The following SHC3 variants were observed in gnomAD, a reference collection of about 807,000 sequenced individuals.
SHC3 encodes the protein SHC adaptor protein 3, also known as SHC-transforming protein 3.
Under a neutral mutation model 60.4 loss-of-function variants are expected in SHC3, and 15 were observed. The ratio of observed to expected loss-of-function variants is 0.25; its 90% CI spans 0.17 to 0.38. The LOEUF (loss-of-function observed/expected upper bound fraction) is 0.38, where lower values mean the gene tolerates loss of function less well. Among genes scored for constraint, SHC3 ranks in the 10% least tolerant of loss-of-function variants. The pLI is 1.00. For missense variants in SHC3, 677 were observed against 786.1 expected, an observed-to-expected ratio of 0.86 and a Z score of 1.66; for synonymous variants, 294 against 325.9, an observed-to-expected ratio of 0.90 and a Z score of 1.05.
At chr9:89,135,549 T>C (rs1363403056) in intron 1 of SHC3, among the ~76,000 whole-genome samples, 1 of 152,170 alleles carries the variant, frequency 6.6e-6, no homozygotes, top group Admixed American at 6.6e-5. Flanking sequence ...AAGGCTTATT[T>C]TTGCAAACAA....
chr9:89,045,655 C>A, intron 9 of SHC3, 91 bp downstream of exon 9: 1 of 1,089,496 alleles, frequency 9.2e-7, no homozygotes, highest in South Asian at 1.4e-5. Context: ...GTCACTCTGT[C>A]AGTCCACAGA....
At chr9:89,063,209 A>C (rs1825120800) in intron 6 of SHC3, among the ~76,000 whole-genome samples, 2 of 152,042 alleles carry the variant, frequency 1.3e-5, no homozygotes, top group African/African-American at 4.8e-5. Context: ...GGCTCACTGC[A>C]ACCTCTGTGT....
chr9:89,014,606 T>C (rs1826065067), intron 11 of SHC3, among the ~76,000 whole-genome samples: 1 of 152,160 alleles, frequency 6.6e-6, no homozygotes, highest in Non-Finnish European at 1.5e-5. Flanking sequence ...GAGCCCATCC[T>C]TTCATGGGAC....
At chr9:89,026,811 G>A (rs1826314900) in intron 11 of SHC3, among the ~76,000 whole-genome samples, 1 of 152,194 alleles carries the variant, frequency 6.6e-6, no homozygotes. Context: ...TTGAATCCCT[G>A]CACACCTGGG....
intron 11 of SHC3, among the ~76,000 whole-genome samples, chr9:89,031,389 T>G (rs899571523): frequency 6.6e-6 from 1 of 152,216 alleles, no homozygotes; most frequent in Non-Finnish European, 1.5e-5. Flanking sequence ...ATCACCTCCC[T>G]GTCCTCCCAT....
intron 2 of SHC3, among the ~76,000 whole-genome samples, chr9:89,080,023 A>G (rs1037846854): frequency 6.6e-6 from 1 of 152,244 alleles, no homozygotes; most frequent in Non-Finnish European, 1.5e-5. Flanking sequence ...GAAATGCAGC[A>G]TAACTATTAA....
chr9:89,030,124 CTAGAGA>C, intron 11 of SHC3, among the ~76,000 whole-genome samples: 1 of 152,048 alleles, frequency 6.6e-6, no homozygotes, highest in South Asian at 2.1e-4. Context: ...AAAAATGTTA[CTAGAGA>C]TAAAGGGGGA....
rs960538816 is a variant in SHC3, at chr9:89,073,226, C to T, written c.729+1883G>A. ...TGGAGTTTGGAAATTAAATTGGAAG[C>T]TGTGATTTGGAAAAAAAATGAAAGT... On this transcript the variant is annotated intron_variant, in intron 4 of 11. Transcript: ENST00000375835. 1.2e-4 allele frequency among the ~76,000 whole-genome samples: 18 copies of T among 152,082 alleles called. 1 individual carries two copies. The highest frequency in any genetic ancestry group is 4.4e-5 in the Non-Finnish European group (3 of 68,028).
intron 6 of SHC3, among the ~76,000 whole-genome samples, chr9:89,053,783 A>G (rs974805345): frequency 3.3e-5 from 5 of 152,246 alleles, no homozygotes; most frequent in African/African-American, 1.2e-4. Flanking sequence ...GTCACAAAGC[A>G]ATGCCAAGCA....
intron 1 of SHC3, among the ~76,000 whole-genome samples, chr9:89,156,088 C>T (rs183399499): frequency 2.6e-5 from 4 of 152,306 alleles, no homozygotes; most frequent in African/African-American, 9.6e-5. Flanking sequence ...CAATAAAATA[C>T]TGTGAAGGTG....
chr9:89,022,538 A>G (rs1266472216), intron 11 of SHC3, among the ~76,000 whole-genome samples: 1 of 152,184 alleles, frequency 6.6e-6, no homozygotes, highest in African/African-American at 2.4e-5. Context: ...GAGCATGCGC[A>G]CTTTAATTTT....
At chr9:89,072,693 T>C (rs7872974) in intron 4 of SHC3, among the ~76,000 whole-genome samples, 12,484 of 152,164 alleles carry the variant, frequency 0.082, 1,668 homozygotes, top group African/African-American at 0.28. Context: ...GACAATGTAA[T>C]GACATTGAAG....
intron 11 of SHC3, among the ~76,000 whole-genome samples, chr9:89,019,752 A>T (rs560995861): frequency 2.6e-5 from 4 of 152,362 alleles, no homozygotes; most frequent in Admixed American, 2.6e-4. Flanking sequence ...GAAATCAAAG[A>T]AGAACTAAAT....
At chr9:89,169,728 TG>T (rs1377087334) in intron 1 of SHC3, among the ~76,000 whole-genome samples, 1 of 152,310 alleles carries the variant, frequency 6.6e-6, no homozygotes, top group East Asian at 1.9e-4. Flanking sequence ...GGCACTGAGC[TG>T]ATGGCTGTTG....
At chr9:89,071,387 T>A (rs1454503842) in intron 4 of SHC3, 135 bp from the exon 5 acceptor site, 1 of 815,522 alleles carries the variant, frequency 1.2e-6, no homozygotes, top group African/African-American at 1.7e-5. Context: ...AAATAATGAT[T>A]ATAAAAGTAA....
intron 11 of SHC3, among the ~76,000 whole-genome samples, chr9:89,030,084 G>A (rs1824458591): frequency 6.6e-6 from 1 of 151,918 alleles, no homozygotes; most frequent in Non-Finnish European, 1.5e-5. Flanking sequence ...ACTAATACCA[G>A]ATAAAATAGA....
intron 11 of SHC3, among the ~76,000 whole-genome samples, chr9:89,029,557 A>T (rs1382986472): frequency 1.3e-5 from 2 of 152,190 alleles, no homozygotes; most frequent in African/African-American, 4.8e-5. Flanking sequence ...GTAAAAAGTG[A>T]GTGAAAGCCA....
At chr9:89,021,312 A>G (rs541722299) in intron 11 of SHC3, among the ~76,000 whole-genome samples, 1 of 152,290 alleles carries the variant, frequency 6.6e-6, no homozygotes, top group South Asian at 2.1e-4. Context: ...TGAAACCTCC[A>G]GGACAGCATT....
Position 89,037,935 on chromosome 9 carries a change from G to A in SHC3, c.1656+58C>T. On this transcript the variant is annotated intron_variant, in intron 11 of 11. Transcript: ENST00000375835. ...GAGGGCATTTGACAAAGTGGAGACT[G>A]TTTAAGGCAGGTCTGCACCCACTGG... 4.5e-6 allele frequency: 7 copies of A among 1,572,688 alleles called. No homozygotes were observed. The South Asian group carries it at 6.9e-5, about 16-fold the overall frequency.
Sources: allele counts gnomAD v4.1 joint callset (sites outside exome capture counted in the v4.1 genomes callset), GRCh38; gene constraint gnomAD v4.1.1; transcripts MANE v1.5; gene names NCBI Gene and HGNC (gene_info 2026-07-23, HGNC 2026-07-21).